CNOT4: variants seen among roughly 807,000 people sequenced by gnomAD.
The protein encoded by CNOT4 is CCR4-NOT transcription complex subunit 4.
A neutral mutation model predicts 73.8 loss-of-function variants in CNOT4; 8 were observed. The observed-to-expected ratio is 0.11, with a 90% CI of 0.06 to 0.20. The LOEUF (loss-of-function observed/expected upper bound fraction) is 0.20, where lower values mean the gene tolerates loss of function less well. Among genes scored for constraint, CNOT4 ranks in the 10% least tolerant of loss-of-function variants. The pLI is 1.00. For synonymous variants in CNOT4, 293 were observed against 321.1 expected (o/e 0.91, Z 0.94); for missense variants, 564 against 883.4 (o/e 0.64, Z 4.58).
chr7:135,419,149 T>C (rs1332482332), intron 3 of CNOT4, among the ~76,000 whole-genome samples: 3 of 152,246 alleles, frequency 2.0e-5, no homozygotes, highest in African/African-American at 7.2e-5. Context: ...GATCTTTTTT[T>C]TTCTATCAAC....
intron 1 of CNOT4, among the ~76,000 whole-genome samples, chr7:135,449,010 G>A (rs933634625): frequency 2.0e-5 from 3 of 152,100 alleles, no homozygotes; most frequent in African/African-American, 7.2e-5. Context: ...TAAACAGACA[G>A]GAGAGAGAGG....
At position 135,393,641 on chromosome 7, in the gene CNOT4, T is replaced by C. The variant is rs1384126672; in HGVS notation, c.1627+277A>G. Among the ~76,000 whole-genome samples the C allele has an allele frequency of 2.0e-5, 3 of 152,216 alleles. No individual in the cohort carries two copies. In the East Asian group the frequency reaches 5.8e-4, roughly 29 times the overall value. ...AGAGACCATTTTCTTCTTTTTCATT[T>C]TGCATTTGTATACCATATGAAAGTT... On this transcript the variant is annotated intron_variant, in intron 10 of 11. Transcript: ENST00000541284.
chr7:135,476,743 G>A (rs1466408508), intron 1 of CNOT4, among the ~76,000 whole-genome samples: 2 of 152,120 alleles, frequency 1.3e-5, no homozygotes, highest in Non-Finnish European at 2.9e-5. Context: ...AGGCCAAGGC[G>A]GGCAGATCAC....
At chr7:135,381,709 T>C (rs749271109) in intron 10 of CNOT4, among the ~76,000 whole-genome samples, 2 of 152,144 alleles carry the variant, frequency 1.3e-5, no homozygotes, top group African/African-American at 4.8e-5. Flanking sequence ...TATTTTACCA[T>C]TGAGATAATT....
intron 1 of CNOT4, among the ~76,000 whole-genome samples, chr7:135,488,795 G>A (rs1802911140): frequency 6.6e-6 from 1 of 152,040 alleles, no homozygotes; most frequent in African/African-American, 2.4e-5. Flanking sequence ...AAGAAGGAAA[G>A]CAAATAAAAG....
At chr7:135,373,585 T>C (rs943624770) in intron 10 of CNOT4, among the ~76,000 whole-genome samples, 1 of 152,186 alleles carries the variant, frequency 6.6e-6, no homozygotes, top group Non-Finnish European at 1.5e-5. Flanking sequence ...ATTTTTTTAT[T>C]TTTATTTTTT....
At chr7:135,391,642 T>C (rs1454483164) in intron 10 of CNOT4, among the ~76,000 whole-genome samples, 1 of 152,060 alleles carries the variant, frequency 6.6e-6, no homozygotes, top group Non-Finnish European at 1.5e-5. Flanking sequence ...ATTTTTTCCA[T>C]AAAGCATCTA....
intron 1 of CNOT4, among the ~76,000 whole-genome samples, chr7:135,442,795 C>T (rs776666247): frequency 3.3e-5 from 5 of 151,826 alleles, no homozygotes; most frequent in East Asian, 2.0e-4. Flanking sequence ...CAGTGGCTTA[C>T]ACCTGTAATC....
chr7:135,372,700 G>A (rs1381385779), intron 10 of CNOT4, among the ~76,000 whole-genome samples: 1 of 152,060 alleles, frequency 6.6e-6, no homozygotes, highest in East Asian at 1.9e-4. Flanking sequence ...GGGATTACAG[G>A]CACACACCAT....
intron 1 of CNOT4, among the ~76,000 whole-genome samples, chr7:135,500,983 CTTTT>C (rs869117346): frequency 1.5e-5 from 2 of 134,522 alleles, no homozygotes; most frequent in African/African-American, 2.8e-5. Context: ...TCTACTAAAC[CTTTT>C]TTTTTTTTTT....
At chr7:135,474,965 T>C (rs1448342430) in intron 1 of CNOT4, among the ~76,000 whole-genome samples, 1 of 152,138 alleles carries the variant, frequency 6.6e-6, no homozygotes, top group African/African-American at 2.4e-5. Flanking sequence ...TTTAAAGAAA[T>C]GTGCGCTGTT....
At chr7:135,423,168 T>G (rs1798283151) in intron 2 of CNOT4, among the ~76,000 whole-genome samples, 1 of 152,148 alleles carries the variant, frequency 6.6e-6, no homozygotes, top group Non-Finnish European at 1.5e-5. Context: ...AAATGGAAGA[T>G]GCGGCACATT....
chr7:135,445,845 C>T (rs1471614643), intron 1 of CNOT4, among the ~76,000 whole-genome samples: 1 of 152,088 alleles, frequency 6.6e-6, no homozygotes, highest in East Asian at 1.9e-4. Context: ...AAGCCAGTAA[C>T]AAGAGGACAA....
intron 1 of CNOT4, among the ~76,000 whole-genome samples, chr7:135,470,101 G>C (rs1401677558): frequency 6.7e-6 from 1 of 149,720 alleles, no homozygotes; most frequent in Non-Finnish European, 1.5e-5. Flanking sequence ...GGGATTACAG[G>C]AGTGAGACAC....
chr7:135,481,705 G>C (rs938564373), intron 1 of CNOT4, among the ~76,000 whole-genome samples: 6 of 152,138 alleles, frequency 3.9e-5, no homozygotes, highest in Admixed American at 2.6e-4. Flanking sequence ...GTGTCCATCA[G>C]CAGATGAAAT....
chr7:135,502,057 C>T (rs1393191923), intron 1 of CNOT4, among the ~76,000 whole-genome samples: 2 of 152,188 alleles, frequency 1.3e-5, no homozygotes, highest in Admixed American at 6.5e-5. Flanking sequence ...GCTCTTCTAC[C>T]TTACACCATG....
Position 135,369,735 on chromosome 7 carries a change from G to A in CNOT4, c.1628-5669C>T, listed in dbSNP as rs560842055. Among the ~76,000 whole-genome samples, 11 of 152,230 alleles carry A rather than the reference G, an allele frequency of 7.2e-5. No individual in the cohort carries two copies. In the South Asian group the frequency reaches 2.3e-3, roughly 32 times the overall value. ...TAGGGAATAACCTGTCTTAGCTCCTGCCCCCACACCCCTCCCTCTTATAAG... is the reference window on the plus strand; with the variant it reads ...TAGGGAATAACCTGTCTTAGCTCCTACCCCCACACCCCTCCCTCTTATAAG... On this transcript the variant is annotated intron_variant, in intron 10 of 11. Transcript: ENST00000541284.
At chr7:135,451,033 C>CA (rs1352547813) in intron 1 of CNOT4, among the ~76,000 whole-genome samples, 1 of 152,134 alleles carries the variant, frequency 6.6e-6, no homozygotes, top group Non-Finnish European at 1.5e-5. Flanking sequence ...AGGGTAATCA[C>CA]ATAATCCTCT....
At position 135,496,938 on chromosome 7, in the gene CNOT4, C is replaced by G. The variant is rs111452634; in HGVS notation, c.-93+12951G>C. 2.6e-5 allele frequency among the ~76,000 whole-genome samples: 4 copies of G among 151,826 alleles called. 1 individual carries two copies. The highest frequency in any genetic ancestry group is 9.7e-5 in the African/African-American group (4 of 41,428). ...CCTCCCCACTTAAACTCCCAAGTAG[C>G]TGGGACTACATGAGTGCACCACCAA... On this transcript the variant is annotated intron_variant, in intron 1 of 11. Transcript: ENST00000541284.
Sources: gnomAD v4.1 joint callset for allele counts (sites outside exome capture counted in the v4.1 genomes callset) on GRCh38, gnomAD v4.1.1 for gene constraint, MANE v1.5 for transcripts, NCBI Gene and HGNC (gene_info 2026-07-23, HGNC 2026-07-21) for gene names.